Variants in MARK4 observed in about 807,000 individuals in gnomAD.
The protein encoded by MARK4 is microtubule affinity regulating kinase 4, also known as MAP/microtubule affinity-regulating kinase 4.
MARK4 carries 19 observed loss-of-function variants against 81.5 expected under a neutral mutation model. The observed-to-expected ratio is 0.23, with a 90% CI of 0.16 to 0.34. The LOEUF is 0.34. Ranked by LOEUF, MARK4 falls within the 10% of genes least tolerant of loss-of-function variation. The pLI, the probability that MARK4 is intolerant of heterozygous loss-of-function variation, is 1.00. For synonymous variants in MARK4, 436 were observed against 439.0 expected (o/e 0.99, Z 0.08); for missense variants, 772 against 1,058.8 (o/e 0.73, Z 3.76).
intron 1 of MARK4, among the ~76,000 whole-genome samples, chr19:45,256,193 T>C (rs1970305928): frequency 6.6e-6 from 1 of 152,194 alleles, no homozygotes; most frequent in Non-Finnish European, 1.5e-5. Context: ...ATGCCAGCAC[T>C]TTGGGAGGCC....
In MARK4 at chr19:45,251,539, A is replaced by ACG; in HGVS notation, c.-49_-48insGC. The ACG allele has an allele frequency of 3.8e-6, 1 of 263,200 alleles. No individual in the cohort carries two copies. Among genetic ancestry groups the ACG allele is most frequent in the Non-Finnish European group, 7.3e-6 (1 of 137,132 alleles). 16.3% of individuals were successfully genotyped at this position (263,200 alleles called of 1,614,324 possible). On this transcript the variant is annotated 5_prime_UTR_variant, in exon 1 of 17. Coordinates refer to ENST00000262891, the MANE Select transcript of MARK4 (RefSeq NM_001199867.2). ...GGAGGGGAAGAGAGGGGACCCTGGG[A>ACG]CCCCCGCCCCCCCCACCCGGCCGCC...
At chr19:45,277,494 G>A (rs546960572) in intron 8 of MARK4, among the ~76,000 whole-genome samples, 2 of 147,168 alleles carry the variant, frequency 1.4e-5, no homozygotes, top group South Asian at 4.3e-4. Flanking sequence ...TGAACTCCTG[G>A]GTTCAAGCTA....
chr19:45,262,375 A>G (rs1047567728), intron 2 of MARK4, among the ~76,000 whole-genome samples: 5 of 151,912 alleles, frequency 3.3e-5, no homozygotes, highest in African/African-American at 9.7e-5. Flanking sequence ...GTGGGTGCGG[A>G]GAATGGGAGG....
chr19:45,278,728 C>G, intron 10 of MARK4, 113 bp downstream of exon 10: 1 of 801,596 alleles, frequency 1.2e-6, no homozygotes, highest in East Asian at 2.7e-5. Flanking sequence ...CTCAGCCTCC[C>G]AAGTAGCTGG....
Position 45,302,709 on chromosome 19 carries a change from G to A in MARK4, c.2258G>A (p.Ter753=). Residue 753 remains the stop codon, a stop_retained_variant, in exon 17 of 17, where the codon TGA becomes TAA. Coordinates refer to ENST00000262891, the MANE Select transcript of MARK4 (RefSeq NM_001199867.2). This position sits in a 1 kb window ranked among gnomAD's most constrained non-coding sequence, Gnocchi z 4.9. ...VTRISNDLEL[*] is the part of the protein sequence containing the mutation. The stretch of plus-strand genomic sequence containing the variant: ...CGCATCTCCAACGACCTCGAGCTCT[G>A]AGCCACCACGGTCCCAGGGCCCTTA... The A allele has an allele frequency of 6.5e-7, 1 of 1,536,160 alleles. No individual in the cohort carries two copies. The highest frequency in any genetic ancestry group is 8.7e-7 in the Non-Finnish European group (1 of 1,146,840).
At chr19:45,287,951 G>T (rs992818504) in intron 13 of MARK4, 18 of 468,390 alleles carry the variant, frequency 3.8e-5, no homozygotes, top group Non-Finnish European at 5.9e-5. Flanking sequence ...TTAAAAATGT[G>T]GGAAAGGCCA....
rs992007179 is a variant in MARK4 at position 45,270,668 on chromosome 19, C to T, written c.550-804C>T. ...AGGCTGGAGTGCAGTGGCACAGTCT[C>T]AGCTCAGTGCAACCTCTGCCTCCCA... On this transcript the variant is annotated intron_variant, in intron 7 of 16. Coordinates refer to ENST00000262891, the MANE Select transcript of MARK4 (RefSeq NM_001199867.2). Among the ~76,000 whole-genome samples, 7 of 152,198 alleles carry T rather than the reference C, an allele frequency of 4.6e-5. No individual in the cohort carries two copies. The East Asian group carries it at 1.3e-3, about 29-fold the overall frequency.
At position 45,287,664 on chromosome 19, in the gene MARK4, C is replaced by T. The variant is rs139267210; in HGVS notation, c.1494C>T (p.Pro498=). The change falls in exon 13 of 17, where the codon CCC becomes CCT. Residue 498 remains proline, a splice_region_variant and synonymous_variant. Coordinates refer to ENST00000262891, the MANE Select transcript of MARK4 (RefSeq NM_001199867.2). ...GGCGGAAGGACAGCACGAGCACCCC[C>T]GTGAGTGACCAGGGCTGGGGGGCAG... The part of the protein sequence containing the change: ...PERRKDSTST[P]NNLPPSMMTR... 2.1e-4 allele frequency: 329 copies of T among 1,603,398 alleles called. 1 individual carries two copies. In the African/African-American group the frequency reaches 3.2e-3, roughly 15 times the overall value.
intron 14 of MARK4, 109 bp downstream of exon 14, chr19:45,294,561 G>T (rs1970862029): frequency 1.1e-6 from 1 of 918,892 alleles, no homozygotes; most frequent in Non-Finnish European, 1.7e-6. Flanking sequence ...ATGGGGACCA[G>T]AGAGTGAGTG....
intron 7 of MARK4, 109 bp downstream of exon 7, chr19:45,266,390 C>A: frequency 9.8e-7 from 1 of 1,020,504 alleles, no homozygotes; most frequent in Non-Finnish European, 1.5e-6. Context: ...TCCTCCAGCC[C>A]TTTTCTCCTC....
intron 8 of MARK4, among the ~76,000 whole-genome samples, chr19:45,272,763 C>T (rs1280644042): frequency 1.3e-5 from 2 of 152,064 alleles, no homozygotes; most frequent in Non-Finnish European, 2.9e-5. Context: ...TGGCAGGCAC[C>T]TGTAATCCCA....
chr19:45,259,984 G>A (rs530169554), intron 2 of MARK4, among the ~76,000 whole-genome samples: 1 of 152,030 alleles, frequency 6.6e-6, no homozygotes, highest in Non-Finnish European at 1.5e-5. Flanking sequence ...CTGCTCAGTA[G>A]GCTGAGCCAG....
chr19:45,285,069 C>T (rs763973991), intron 12 of MARK4, among the ~76,000 whole-genome samples: 37 of 151,794 alleles, frequency 2.4e-4, no homozygotes, highest in Non-Finnish European at 1.5e-4. Flanking sequence ...TCAGCCTGGG[C>T]GGCAACAGCA....
intron 13 of MARK4, chr19:45,287,962 G>C: frequency 2.3e-6 from 1 of 440,100 alleles, no homozygotes; most frequent in Non-Finnish European, 4.2e-6. Context: ...GGAAAGGCCA[G>C]GCACAGTGGC....
At chr19:45,257,989 T>A (rs911845020) in intron 1 of MARK4, among the ~76,000 whole-genome samples, 107 of 77,496 alleles carry the variant, frequency 1.4e-3, no homozygotes, top group African/African-American at 4.3e-3. Context: ...ATGCCTGGCC[T>A]TTTTTTTTTT....
chr19:45,267,918 T>C (rs1970476838), intron 7 of MARK4, among the ~76,000 whole-genome samples: 1 of 151,904 alleles, frequency 6.6e-6, no homozygotes, highest in Admixed American at 6.6e-5. Flanking sequence ...GCCTCAGCCT[T>C]CTGAGTTGCT....
intron 4 of MARK4, 124 bp downstream of exon 4, chr19:45,263,491 C>T: frequency 5.6e-6 from 7 of 1,240,054 alleles, no homozygotes; most frequent in Non-Finnish European, 8.1e-6. Flanking sequence ...CCTGTAATCC[C>T]AGCACTTAGG....
At chr19:45,280,352 T>A (rs1346028673) in intron 10 of MARK4, 22 bp from the exon 11 acceptor site, 2 of 1,601,888 alleles carry the variant, frequency 1.2e-6, no homozygotes, top group Non-Finnish European at 1.7e-6. Flanking sequence ...GTCTGAAACT[T>A]CTCTCCATCC....
intron 8 of MARK4, among the ~76,000 whole-genome samples, chr19:45,276,753 G>A (rs1030083180): frequency 2.6e-5 from 4 of 151,030 alleles, no homozygotes; most frequent in Middle Eastern, 3.4e-3. Context: ...AGCCTCCCGC[G>A]TAGCTGGGAT....
Sources: gnomAD v4.1 joint callset for allele counts (sites outside exome capture counted in the v4.1 genomes callset) on GRCh38, gnomAD v4.1.1 for gene constraint, Gnocchi (gnomAD v3.1) non-coding constraint, MANE v1.5 for transcripts, NCBI Gene and HGNC (gene_info 2026-07-23, HGNC 2026-07-21) for gene names.